The following RPL11 variants were observed in gnomAD, a reference collection of about 807,000 sequenced individuals.
RPL11 encodes the protein large ribosomal subunit protein uL5.
In RPL11, 3 loss-of-function variants were observed where a neutral mutation model predicts 24.1. The ratio of observed to expected loss-of-function variants is 0.12; its 90% confidence interval spans 0.06 to 0.32. The LOEUF (loss-of-function observed/expected upper bound fraction) is 0.32. RPL11 is among the 10% of genes least tolerant of loss of function. The probability of loss-of-function intolerance (pLI) is 1.00; values close to 1 mark genes in which losing one functional copy is unlikely to be tolerated. For synonymous variants in RPL11, 96 were observed against 75.7 expected (o/e 1.27, Z -1.39); for missense variants, 146 against 225.7 (o/e 0.65, Z 2.26).
Position 23,692,623 on chromosome 1 carries a change from A to G in RPL11, c.21A>G (p.Glu7=). ...CCCTGTTGCAGCAGGATCAAGGTGAAAAGGAGAACCCCATGCGGGAACTTC... is the reference window on the plus strand; with the variant it reads ...CCCTGTTGCAGCAGGATCAAGGTGAGAAGGAGAACCCCATGCGGGAACTTC... MAQDQG[E]KENPMRELRI... Residue 7 remains glutamate (E), a synonymous_variant, in exon 2 of 6, where the codon GAA becomes GAG. Coordinates refer to ENST00000643754, the MANE Select transcript of RPL11 (RefSeq NM_000975.5). The G allele has an allele frequency of 6.2e-7, 1 of 1,614,166 alleles. No individual in the cohort carries two copies. The highest frequency in any genetic ancestry group is 8.5e-7 in the Non-Finnish European group (1 of 1,180,030).
chr1:23,695,632 C>T (rs1376750724), intron 4 of RPL11, 166 bp from the exon 5 acceptor site: 3 of 691,698 alleles, frequency 4.3e-6, no homozygotes, highest in Middle Eastern at 3.8e-4. Flanking sequence ...CTGTGTGTTG[C>T]GTGGGATGCT....
intron 1 of RPL11, chr1:23,692,033 G>T: frequency 1.4e-6 from 1 of 703,526 alleles, no homozygotes; most frequent in Non-Finnish European, 2.4e-6. Context: ...GCGGCTCCGG[G>T]CACTTGCCCG....
intron 4 of RPL11, 123 bp downstream of exon 4, chr1:23,694,914 C>T: frequency 6.8e-7 from 1 of 1,466,158 alleles, no homozygotes; most frequent in Non-Finnish European, 9.5e-7. Context: ...CCTTTGTGTT[C>T]TCCTCCCCCT....
Position 23,694,683 on chromosome 1 carries a change from AAAC to A in RPL11, c.292_294del (p.Asn98del). 1.2e-6 allele frequency: 2 copies of A among 1,614,054 alleles called. No individual in the cohort carries two copies. The highest frequency in any genetic ancestry group is 1.7e-6 in the Non-Finnish European group (2 of 1,179,944). ...AGGTGCGGGAGTATGAGTTAAGAAA[AAAC>A]AACTTCTCAGATACTGGAAACTTTG... is the stretch of plus-strand genomic sequence containing the variant. On this transcript the variant is annotated inframe_deletion, in exon 4 of 6. Coordinates refer to ENST00000643754, the MANE Select transcript of RPL11 (RefSeq NM_000975.5).
chr1:23,692,610 A>C lies in RPL11; in HGVS notation c.8A>C (p.Gln3Pro). Residue 3 changes from glutamine to proline, a missense_variant and splice_region_variant, in exon 2 of 6, where the codon CAG (glutamine) becomes CCG (proline). Gln to Pro is a moderately conservative substitution (Grantham distance 76). Coordinates refer to ENST00000643754, the MANE Select transcript of RPL11 (RefSeq NM_000975.5). The part of the protein sequence containing the change: MA[Q>P]DQGEKENPMR... ...GACTGCTGCTCTTCCCTGTTGCAGCAGGATCAAGGTGAAAAGGAGAACCCC... is the reference window on the plus strand; with the variant it reads ...GACTGCTGCTCTTCCCTGTTGCAGCCGGATCAAGGTGAAAAGGAGAACCCC... 1 of 1,614,208 alleles carries C rather than the reference A, an allele frequency of 6.2e-7. No homozygotes were observed. Among genetic ancestry groups the C allele is most frequent in the Non-Finnish European group, 8.5e-7 (1 of 1,180,038 alleles).
Position 23,696,512 on chromosome 1 carries a change from T to G in RPL11, c.*139T>G. The G allele has an allele frequency of 1.3e-6, 1 of 793,556 alleles. No individual in the cohort carries two copies. Among genetic ancestry groups the G allele is most frequent in the Non-Finnish European group, 2.2e-6 (1 of 458,202 alleles). 49.2% of individuals were successfully genotyped at this position (793,556 alleles called of 1,614,324 possible). On this transcript the variant is annotated 3_prime_UTR_variant, in exon 6 of 6. Transcript: ENST00000643754. ...TTAAAGCTTCGATGGGAGTAGCTGG[T>G]AACAACCCCGTCATCCTCTGATTGG...
At chr1:23,692,585 G>T in intron 1 of RPL11, 24 bp from the exon 2 acceptor site, 2 of 1,613,904 alleles carry the variant, frequency 1.2e-6, no homozygotes, top group South Asian at 2.2e-5. Flanking sequence ...TGAGTGTATT[G>T]ACTGCTGCTC....
Position 23,694,676 on chromosome 1 carries a change from TAAG to T in RPL11, c.284_286del (p.Arg95del). ...TCTCCACAGGTGCGGGAGTATGAGT[TAAG>T]AAAAAACAACTTCTCAGATACTGGA... On this transcript the variant is annotated inframe_deletion, in exon 4 of 6. Transcript: ENST00000643754. The T allele has an allele frequency of 6.2e-7, 1 of 1,613,966 alleles. No individual in the cohort carries two copies.
intron 3 of RPL11, among the ~76,000 whole-genome samples, 190 bp downstream of exon 3, chr1:23,694,103 G>A (rs574525797): frequency 4.6e-5 from 7 of 152,242 alleles, no homozygotes; most frequent in East Asian, 1.9e-4. Context: ...GGCTGGGCAC[G>A]GTGGCTCAAC....
intron 4 of RPL11, chr1:23,695,535 A>G: frequency 1.9e-6 from 1 of 515,142 alleles, no homozygotes; most frequent in Non-Finnish European, 3.5e-6. Flanking sequence ...TGGGAGCAGT[A>G]ATGGAGGATC....
At chr1:23,695,012 CGAG>C in intron 4 of RPL11, 2 of 644,776 alleles carry the variant, frequency 3.1e-6, no homozygotes, top group Non-Finnish European at 5.4e-6. Context: ...AACTTGCAGT[CGAG>C]GATCTGTAAA....
rs537766423 is a variant in RPL11, at chr1:23,691,960, A to T, written c.6+131A>T. On this transcript the variant is annotated intron_variant, in intron 1 of 5. Transcript: ENST00000643754. ...CAATGCCTGCTGGCCCAAAACTAGC[A>T]GAGCCGTTCGAGCCAAGGACGCAGG... 1.3e-4 allele frequency: 154 copies of T among 1,228,684 alleles called. No homozygotes were observed. The African/African-American group carries it at 1.6e-3, about 13-fold the overall frequency. 76.1% of individuals were successfully genotyped at this position (1,228,684 alleles called of 1,614,324 possible).
intron 2 of RPL11, 64 bp downstream of exon 2, chr1:23,692,823 C>G: frequency 3.7e-6 from 6 of 1,601,406 alleles, no homozygotes; most frequent in Non-Finnish European, 5.1e-6. Context: ...TCTTGATTTA[C>G]CTGCTGTCGA....
Position 23,696,436 on chromosome 1 carries a change from TG to T in RPL11, c.*64del. ...CAGTGAAATGTGCAATTCTGTTGTG[TG>T]TTCTGTGAAAGGATCCTGGCCATAT... On this transcript the variant is annotated 3_prime_UTR_variant, in exon 6 of 6. Coordinates refer to ENST00000643754, the MANE Select transcript of RPL11 (RefSeq NM_000975.5). 1 of 1,536,860 alleles carries T rather than the reference TG, an allele frequency of 6.5e-7. No individual in the cohort carries two copies.
Position 23,692,757 on chromosome 1 carries a change from A to G in RPL11, c.155A>G (p.Lys52Arg), listed in dbSNP as rs1315983808. The change falls in exon 2 of 6, where the codon AAA becomes AGA. Residue 52 changes from lysine (K) to arginine (R), a missense_variant and splice_region_variant. Coordinates refer to ENST00000643754, the MANE Select transcript of RPL11 (RefSeq NM_000975.5). ...QLTGQTPVFS[K>R]ARYTVRSFGI... Reference sequence around the variant, plus strand: ...ACAGGGCAGACCCCTGTGTTTTCCAAAGGTGAGTAGTCACAAGGACATACA... The same window carrying G: ...ACAGGGCAGACCCCTGTGTTTTCCAGAGGTGAGTAGTCACAAGGACATACA... The G allele has an allele frequency of 6.2e-7, 1 of 1,613,444 alleles. No homozygotes were observed. The highest frequency in any genetic ancestry group is 1.7e-5 in the Admixed American group (1 of 60,000).
intron 1 of RPL11, 104 bp downstream of exon 1, chr1:23,691,933 C>T (rs1165972102): frequency 1.3e-5 from 19 of 1,467,686 alleles, no homozygotes; most frequent in Admixed American, 3.3e-5. Context: ...ATATGGAGCC[C>T]GCAATGCCTG....
At chr1:23,695,247 C>T (rs3820033) in intron 4 of RPL11, 62,462 of 293,526 alleles carry the variant, frequency 0.21, 8,234 homozygotes, top group East Asian at 0.44. Context: ...TGTGTTACTG[C>T]CGTGTTTTGG....
At chr1:23,693,675 G>C in intron 2 of RPL11, 132 bp from the exon 3 acceptor site, 1 of 703,394 alleles carries the variant, frequency 1.4e-6, no homozygotes, top group Non-Finnish European at 2.6e-6. Flanking sequence ...ACACTAATTA[G>C]AACACCACAA....
At chr1:23,692,810 GT>G in intron 2 of RPL11, 51 bp downstream of exon 2, 1 of 1,607,034 alleles carries the variant, frequency 6.2e-7, no homozygotes, top group South Asian at 1.1e-5. Flanking sequence ...TCGCTTGGTT[GT>G]TTCTTGATTT....
Sources: allele counts gnomAD v4.1 joint callset (sites outside exome capture counted in the v4.1 genomes callset), GRCh38; gene constraint gnomAD v4.1.1; transcripts MANE v1.5; gene names NCBI Gene and HGNC (gene_info 2026-07-23, HGNC 2026-07-21).